Variants in HS3ST5 observed in about 807,000 individuals in gnomAD.
HS3ST5 encodes the protein heparan sulfate-glucosamine 3-sulfotransferase 5, also known as heparan sulfate glucosamine 3-O-sulfotransferase 5.
HS3ST5 carries 10 observed loss-of-function variants against 25.4 expected under a neutral mutation model. That is an observed-to-expected ratio of 0.39 (90% CI 0.24 to 0.67). HS3ST5 has a LOEUF of 0.67. Among genes scored for constraint, HS3ST5 ranks in the 30% least tolerant of loss-of-function variants. The pLI, the probability that HS3ST5 is intolerant of heterozygous loss-of-function variation, is 0.44. For missense variants in HS3ST5, 324 were observed against 420.7 expected, an observed-to-expected ratio of 0.77 and a Z score of 2.01; for synonymous variants, 170 against 162.4, an observed-to-expected ratio of 1.05 and a Z score of -0.36.
intron 1 of HS3ST5, among the ~76,000 whole-genome samples, chr6:114,318,430 C>A (rs1775830759): frequency 6.6e-6 from 1 of 152,064 alleles, no homozygotes; most frequent in Non-Finnish European, 1.5e-5. Context: ...TAATATCAGA[C>A]TCTTTAAGTA....
chr6:114,310,537 T>C (rs968839470), intron 1 of HS3ST5, among the ~76,000 whole-genome samples: 1 of 152,178 alleles, frequency 6.6e-6, no homozygotes, highest in Non-Finnish European at 1.5e-5. Context: ...CTTTTTTTTT[T>C]TCCTGCTAGG....
chr6:114,087,941 A>G (rs1002508823), intron 3 of HS3ST5, among the ~76,000 whole-genome samples: 28 of 152,204 alleles, frequency 1.8e-4, no homozygotes, highest in Non-Finnish European at 3.1e-4. Flanking sequence ...TGCATGGTCT[A>G]ATATGGTAGT....
chr6:114,260,757 G>A (rs1773135625), intron 1 of HS3ST5, among the ~76,000 whole-genome samples: 1 of 152,230 alleles, frequency 6.6e-6, no homozygotes, highest in Non-Finnish European at 1.5e-5. Context: ...AAAAGGGCCA[G>A]CACCTGCAAA....
chr6:114,241,144 T>TG (rs1408748415), intron 1 of HS3ST5, among the ~76,000 whole-genome samples: 2 of 150,894 alleles, frequency 1.3e-5, no homozygotes, highest in Non-Finnish European at 3.0e-5. Context: ...TTTTTTTTTT[T>TG]TTTTTTTTTT....
chr6:114,282,505 C>T (rs185812019), intron 1 of HS3ST5, among the ~76,000 whole-genome samples: 2 of 152,072 alleles, frequency 1.3e-5, no homozygotes, highest in Admixed American at 6.6e-5. Context: ...CTCGGTCTGT[C>T]GGAGGATACA....
chr6:114,081,284 C>A (rs756329548), intron 3 of HS3ST5, among the ~76,000 whole-genome samples: 1 of 151,632 alleles, frequency 6.6e-6, no homozygotes, highest in Non-Finnish European at 1.5e-5. Flanking sequence ...CACAGAGACA[C>A]GAAATGAGCA....
chr6:114,264,600 T>C (rs1773323622), intron 1 of HS3ST5, among the ~76,000 whole-genome samples: 1 of 152,192 alleles, frequency 6.6e-6, no homozygotes, highest in South Asian at 2.1e-4. Flanking sequence ...TAATGTGGTG[T>C]CTCTTTTTCT....
At chr6:114,266,041 AT>A (rs1773390801) in intron 1 of HS3ST5, among the ~76,000 whole-genome samples, 2 of 152,154 alleles carry the variant, frequency 1.3e-5, no homozygotes, top group Admixed American at 1.3e-4. Context: ...TTTCACCCAA[AT>A]ATCCCACAGG....
intron 2 of HS3ST5, among the ~76,000 whole-genome samples, chr6:114,207,158 C>G (rs1483527260): frequency 2.6e-5 from 4 of 152,184 alleles, no homozygotes; most frequent in Admixed American, 2.6e-4. Flanking sequence ...CATTGTCACA[C>G]ATTTTTCTTA....
intron 1 of HS3ST5, among the ~76,000 whole-genome samples, chr6:114,297,512 T>C (rs960833651): frequency 6.6e-6 from 1 of 152,220 alleles, no homozygotes; most frequent in African/African-American, 2.4e-5. Context: ...CTTTCCAGAC[T>C]TTTTTCATTC....
intron 1 of HS3ST5, among the ~76,000 whole-genome samples, chr6:114,306,960 G>A (rs2114829296): frequency 6.6e-6 from 1 of 152,240 alleles, no homozygotes; most frequent in Non-Finnish European, 1.5e-5. Context: ...CCTCAGTATA[G>A]GCAGTAGCAG....
chr6:114,288,372 T>C (rs1250470600), intron 1 of HS3ST5, among the ~76,000 whole-genome samples: 1 of 152,152 alleles, frequency 6.6e-6, no homozygotes, highest in Non-Finnish European at 1.5e-5. Context: ...ACTGCGATTA[T>C]ATTATATTTG....
intron 1 of HS3ST5, among the ~76,000 whole-genome samples, chr6:114,255,204 C>G (rs1226205811): frequency 1.3e-5 from 2 of 152,188 alleles, no homozygotes; most frequent in East Asian, 3.9e-4. Flanking sequence ...CTATGCAAGT[C>G]TGAAATCCAA....
chr6:114,275,609 T>A (rs1773817676), intron 1 of HS3ST5, among the ~76,000 whole-genome samples: 1 of 151,936 alleles, frequency 6.6e-6, no homozygotes, highest in African/African-American at 2.4e-5. Flanking sequence ...AAAGGCCAGA[T>A]AGCAAATGTT....
At chr6:114,126,300 C>G (rs1777035340) in intron 3 of HS3ST5, among the ~76,000 whole-genome samples, 1 of 152,094 alleles carries the variant, frequency 6.6e-6, no homozygotes, top group African/African-American at 2.4e-5. Flanking sequence ...CAAGCCAGCT[C>G]CAGACACACT....
chr6:114,190,209 G>T (rs1780430020), intron 2 of HS3ST5, among the ~76,000 whole-genome samples: 1 of 152,088 alleles, frequency 6.6e-6, no homozygotes. Context: ...GGAGATGGGG[G>T]GTGTCTAGTT....
At chr6:114,193,281 A>G (rs1158946598) in intron 2 of HS3ST5, among the ~76,000 whole-genome samples, 1 of 152,208 alleles carries the variant, frequency 6.6e-6, no homozygotes, top group Non-Finnish European at 1.5e-5. Context: ...AGCTGAAGAA[A>G]AGAAGAGCTA....
chr6:114,159,352 T>C (rs1172613955), intron 3 of HS3ST5, among the ~76,000 whole-genome samples: 1 of 152,144 alleles, frequency 6.6e-6, no homozygotes, highest in Non-Finnish European at 1.5e-5. Context: ...TGATCATCAA[T>C]AGTAGGCTGG....
At chr6:114,118,114 G>A (rs1257751672) in intron 3 of HS3ST5, among the ~76,000 whole-genome samples, 1 of 152,166 alleles carries the variant, frequency 6.6e-6, no homozygotes, top group Non-Finnish European at 1.5e-5. Flanking sequence ...ATAGCAAGGA[G>A]AACTCCTTTA....
Sources: gnomAD v4.1 joint callset for allele counts (sites outside exome capture counted in the v4.1 genomes callset) on GRCh38, gnomAD v4.1.1 for gene constraint, MANE v1.5 for transcripts, NCBI Gene and HGNC (gene_info 2026-07-23, HGNC 2026-07-21) for gene names.